MITF: variants seen among roughly 807,000 people sequenced by gnomAD.
MITF encodes the protein microphthalmia-associated transcription factor.
A neutral mutation model predicts 60.5 loss-of-function variants in MITF; 17 were observed. That is an observed-to-expected ratio of 0.28 (90% CI 0.19 to 0.42). MITF has a LOEUF of 0.42. Ranked by LOEUF, MITF falls within the 10% of genes least tolerant of loss-of-function variation. MITF has a pLI of 1.00. For synonymous variants in MITF, 260 were observed against 248.5 expected, an observed-to-expected ratio of 1.05 and a Z score of -0.43; for missense variants, 622 against 683.5, an observed-to-expected ratio of 0.91 and a Z score of 1.00.
intron 2 of MITF, among the ~76,000 whole-genome samples, chr3:69,915,381 A>G (rs562922045): frequency 2.6e-5 from 4 of 152,136 alleles, no homozygotes; most frequent in Non-Finnish European, 5.9e-5. Flanking sequence ...AATATATATC[A>G]TAAGCATAAT....
chr3:69,822,213 T>C (rs1456303112), intron 1 of MITF, among the ~76,000 whole-genome samples: 1 of 152,216 alleles, frequency 6.6e-6, no homozygotes, highest in Non-Finnish European at 1.5e-5. Flanking sequence ...ATTGAATGTT[T>C]TTCCCCCCAG....
chr3:69,961,550 C>CAAA (rs36044055), intron 9 of MITF, among the ~76,000 whole-genome samples: 1 of 127,044 alleles, frequency 7.9e-6, no homozygotes, highest in Non-Finnish European at 1.7e-5. Flanking sequence ...ACCAAAAATA[C>CAAA]AAAAAAAAAA....
intron 2 of MITF, among the ~76,000 whole-genome samples, chr3:69,934,395 A>G (rs1485391151): frequency 6.6e-6 from 1 of 152,208 alleles, no homozygotes; most frequent in Non-Finnish European, 1.5e-5. Flanking sequence ...AATATGCTAA[A>G]TATTGATAGA....
At chr3:69,849,825 T>A (rs1321602462) in intron 1 of MITF, among the ~76,000 whole-genome samples, 2 of 152,202 alleles carry the variant, frequency 1.3e-5, no homozygotes, top group Non-Finnish European at 2.9e-5. Flanking sequence ...AGGTCCATCA[T>A]CCCTGTTTCT....
intron 1 of MITF, among the ~76,000 whole-genome samples, chr3:69,820,204 C>T (rs543607830): frequency 6.6e-6 from 1 of 152,132 alleles, no homozygotes; most frequent in Non-Finnish European, 1.5e-5. Flanking sequence ...AAATTGACTT[C>T]ACGTGCTTCA....
chr3:69,862,915 C>T (rs1228166749), intron 1 of MITF, among the ~76,000 whole-genome samples: 1 of 151,988 alleles, frequency 6.6e-6, no homozygotes, highest in Non-Finnish European at 1.5e-5. Context: ...TTATTTTTTC[C>T]TCCCCAACCA....
intron 3 of MITF, chr3:69,938,836 G>T: frequency 7.1e-7 from 1 of 1,409,972 alleles, no homozygotes; most frequent in South Asian, 1.5e-5. Context: ...TCTAGAGTTG[G>T]ATTGATTTTA....
At position 69,965,083 on chromosome 3, in the gene MITF, T is replaced by C. The variant is rs1266295204; in HGVS notation, c.1416T>C (p.Ser472=). ...GTGTEANQAY[S]VPTKMGSKLE... ...GGACTGAGGCCAACCAAGCCTATAG[T>C]GTCCCCACAAAAATGGGATCCAAAC... Residue 472 remains serine (S), a synonymous_variant, in exon 10 of 10, where the codon AGT becomes AGC. Coordinates refer to ENST00000352241, the MANE Select transcript of MITF (RefSeq NM_001354604.2). 2.5e-6 allele frequency: 4 copies of C among 1,614,010 alleles called. No individual in the cohort carries two copies. The highest frequency in any genetic ancestry group is 2.2e-5 in the East Asian group (1 of 44,870).
At chr3:69,885,973 G>A (rs1444975329) in intron 2 of MITF, among the ~76,000 whole-genome samples, 2 of 152,058 alleles carry the variant, frequency 1.3e-5, no homozygotes, top group Non-Finnish European at 2.9e-5. Flanking sequence ...GTTATTATTA[G>A]CATCCCCATT....
chr3:69,780,715 C>A (rs2062549207), intron 1 of MITF, among the ~76,000 whole-genome samples: 1 of 152,136 alleles, frequency 6.6e-6, no homozygotes, highest in Non-Finnish European at 1.5e-5. Flanking sequence ...GCAGGGTAAC[C>A]AGACTAATTA....
intron 2 of MITF, among the ~76,000 whole-genome samples, chr3:69,921,451 A>C (rs771006880): frequency 2.0e-5 from 3 of 152,166 alleles, no homozygotes; most frequent in African/African-American, 7.2e-5. Flanking sequence ...TTCATTCTAT[A>C]TAGTTTTAGG....
intron 1 of MITF, among the ~76,000 whole-genome samples, chr3:69,874,715 C>T (rs986874046): frequency 1.3e-5 from 2 of 152,080 alleles, no homozygotes; most frequent in Non-Finnish European, 2.9e-5. Flanking sequence ...ATATTGAGAC[C>T]AAAGACCAGT....
intron 1 of MITF, among the ~76,000 whole-genome samples, chr3:69,829,814 T>C (rs911436634): frequency 3.9e-5 from 6 of 152,100 alleles, no homozygotes; most frequent in African/African-American, 1.4e-4. Flanking sequence ...TTTGAGCTGA[T>C]GGAAGTAAGT....
At chr3:69,752,040 G>T (rs1420041098) in intron 1 of MITF, 1 of 152,256 alleles carries the variant, frequency 6.6e-6, no homozygotes, top group African/African-American at 2.4e-5. Context: ...ATGATTGCAG[G>T]TTTCCTGAGG....
At chr3:69,810,613 T>C (rs1406217031) in intron 1 of MITF, among the ~76,000 whole-genome samples, 12 of 152,216 alleles carry the variant, frequency 7.9e-5, no homozygotes, top group African/African-American at 1.2e-4. Context: ...GTGTGATAGG[T>C]GGAACACATA....
intron 1 of MITF, among the ~76,000 whole-genome samples, chr3:69,756,499 GTA>G (rs1325755375): frequency 1.1e-4 from 17 of 152,062 alleles, no homozygotes; most frequent in African/African-American, 4.1e-4. Context: ...ATTCCATGGT[GTA>G]TATGTGCTAC....
intron 1 of MITF, among the ~76,000 whole-genome samples, chr3:69,859,694 T>G (rs1317239192): frequency 6.6e-6 from 1 of 152,098 alleles, no homozygotes; most frequent in East Asian, 1.9e-4. Flanking sequence ...ATGATGGTGA[T>G]GCACTCTCCT....
intron 1 of MITF, among the ~76,000 whole-genome samples, chr3:69,830,352 C>T (rs2063426135): frequency 6.6e-6 from 1 of 152,158 alleles, no homozygotes; most frequent in Admixed American, 6.5e-5. Flanking sequence ...TGTGTACTTC[C>T]TGGAAAGCTC....
chr3:69,836,611 G>C, intron 1 of MITF, among the ~76,000 whole-genome samples: 1 of 152,180 alleles, frequency 6.6e-6, no homozygotes, highest in East Asian at 1.9e-4. Flanking sequence ...TTATTTTATA[G>C]ATATGATGAG....
Sources: gnomAD v4.1 joint callset for allele counts (sites outside exome capture counted in the v4.1 genomes callset) on GRCh38, gnomAD v4.1.1 for gene constraint, MANE v1.5 for transcripts, NCBI Gene and HGNC (gene_info 2026-07-23, HGNC 2026-07-21) for gene names.